Variants in TMC5 observed in about 807,000 individuals in gnomAD.
The protein encoded by TMC5 is transmembrane channel-like protein 5.
In TMC5, 86 loss-of-function variants were observed where a neutral mutation model predicts 110.5. The ratio of observed to expected loss-of-function variants is 0.78; its 90% CI spans 0.65 to 0.93. The LOEUF (loss-of-function observed/expected upper bound fraction) is 0.93. Among genes scored for constraint, TMC5 ranks in the 40% least tolerant of loss-of-function variants. The pLI, the probability that TMC5 is intolerant of heterozygous loss-of-function variation, is 0.00. For synonymous variants in TMC5, 455 were observed against 439.5 expected, an observed-to-expected ratio of 1.04 and a Z score of -0.44; for missense variants, 1,144 against 1,222.8, an observed-to-expected ratio of 0.94 and a Z score of 0.96.
Position 19,487,321 on chromosome 16 carries a change from C to G in TMC5, c.2568C>G (p.Ile856Met). 1 of 1,612,760 alleles carries G rather than the reference C, an allele frequency of 6.2e-7. No individual in the cohort carries two copies. The highest frequency in any genetic ancestry group is 1.1e-5 in the South Asian group (1 of 90,830). Reference protein sequence around the residue: ...TGVLCTLAITIWRLKPSADCG... With the variant: ...TGVLCTLAITMWRLKPSADCG... ...TCTTGTGCACCCTGGCCATCACCAT[C>G]TGGAGGTAGGAGAAGGTGGCCTTGG... The change falls in exon 17 of 22, where the codon ATC (isoleucine) becomes ATG (methionine). Residue 856 changes from isoleucine (I) to methionine (M), a missense_variant. Ile to Met is a conservative substitution (Grantham distance 10). Coordinates refer to ENST00000542583, the MANE Select transcript of TMC5 (RefSeq NM_001261841.2).
intron 5 of TMC5, 106 bp from the exon 6 acceptor site, chr16:19,460,129 A>G (rs998539278): frequency 1.2e-5 from 9 of 739,228 alleles, no homozygotes; most frequent in Middle Eastern, 2.6e-4. Flanking sequence ...CCCCAACTCC[A>G]TAAACTTCTT....
At chr16:19,432,235 C>T (rs577897409) in intron 2 of TMC5, among the ~76,000 whole-genome samples, 2 of 152,258 alleles carry the variant, frequency 1.3e-5, no homozygotes, top group African/African-American at 4.8e-5. Flanking sequence ...ACCAGGAAGC[C>T]TTGCAACATC....
At chr16:19,457,735 TTTTTTTTTGA>T (rs1967922439) in intron 5 of TMC5, among the ~76,000 whole-genome samples, 1 of 112,920 alleles carries the variant, frequency 8.9e-6, no homozygotes. Context: ...TTTTTTTTTT[TTTTTTTTTGA>T]GACAAAGTCT....
intron 14 of TMC5, among the ~76,000 whole-genome samples, chr16:19,479,875 C>T (rs1470111779): frequency 6.7e-6 from 1 of 149,652 alleles, no homozygotes; most frequent in East Asian, 2.0e-4. Context: ...AGGAGGATCA[C>T]TTGAGGCCAG....
Position 19,439,961 on chromosome 16 carries a change from T to G in TMC5, c.-78T>G. 1 of 1,192,888 alleles carries G rather than the reference T, an allele frequency of 8.4e-7. No homozygotes were observed. Among genetic ancestry groups the G allele is most frequent in the Admixed American group, 2.3e-5 (1 of 43,170 alleles). The allele number at this position is 1,192,888 out of a possible 1,614,324, so 73.9% of individuals were successfully genotyped here. On this transcript the variant is annotated splice_region_variant and 5_prime_UTR_variant, in exon 3 of 22. Transcript: ENST00000542583. ...TTTTCTTTTCTTCTTGTTTTTCAGG[T>G]GAAAAAAAAAAAAGATCCCTGAGTA... is the stretch of plus-strand genomic sequence containing the variant.
rs56178955 is a variant in TMC5 at position 19,495,011 on chromosome 16, C to CTTTTTTT, written c.2931+660_2931+666dup. Among the ~76,000 whole-genome samples the CTTTTTTT allele has an allele frequency of 5.2e-4, 21 of 40,486 alleles. 3 individuals carry two copies. The highest frequency in any genetic ancestry group is 2.2e-3 in the East Asian group (4 of 1,832). 26.6% of individuals were successfully genotyped at this position (40,486 alleles called of 152,430 possible). A position where few individuals can be genotyped will look rare whatever the true frequency, so the allele number is the denominator to read the frequency against. The stretch of plus-strand genomic sequence containing the variant: ...CACTATGAATACTTCAGTGTCTATT[C>CTTTTTTT]TTTTTTTTTTTTTTTTTTTTTGAGA... On this transcript the variant is annotated intron_variant, in intron 20 of 21. Transcript: ENST00000542583.
intron 12 of TMC5, among the ~76,000 whole-genome samples, chr16:19,475,423 G>GA (rs747294841): frequency 0.046 from 6,321 of 138,672 alleles, 150 homozygotes; most frequent in African/African-American, 0.061. Context: ...CTCCATCTCA[G>GA]AAAAAAAAAA....
At chr16:19,420,236 C>T (rs987337361) in intron 1 of TMC5, among the ~76,000 whole-genome samples, 3 of 152,026 alleles carry the variant, frequency 2.0e-5, no homozygotes, top group African/African-American at 7.2e-5. Flanking sequence ...ACCATCCTGG[C>T]CAACATGGTG....
intron 1 of TMC5, among the ~76,000 whole-genome samples, chr16:19,412,448 C>T (rs983057873): frequency 5.3e-5 from 8 of 151,804 alleles, no homozygotes; most frequent in South Asian, 2.1e-4. Flanking sequence ...TCACTGCAAC[C>T]GCTGTCTCCC....
intron 1 of TMC5, among the ~76,000 whole-genome samples, chr16:19,425,693 T>A (rs1009431655): frequency 1.3e-5 from 2 of 152,204 alleles, no homozygotes; most frequent in Admixed American, 1.3e-4. Context: ...GCAATTTATT[T>A]TTTTATTTAT....
At chr16:19,471,799 C>T (rs1453258954) in intron 10 of TMC5, among the ~76,000 whole-genome samples, 1 of 151,914 alleles carries the variant, frequency 6.6e-6, no homozygotes, top group Non-Finnish European at 1.5e-5. Context: ...CTCACTCTGT[C>T]GCCCAGGCTG....
At chr16:19,459,833 G>A (rs541268083) in intron 5 of TMC5, among the ~76,000 whole-genome samples, 24 of 145,938 alleles carry the variant, frequency 1.6e-4, no homozygotes, top group South Asian at 4.3e-4. Context: ...TGGGAGGATC[G>A]CTTAAGTCCA....
chr16:19,439,001 T>A (rs1371042352), intron 2 of TMC5, among the ~76,000 whole-genome samples: 1 of 152,138 alleles, frequency 6.6e-6, no homozygotes, highest in Non-Finnish European at 1.5e-5. Context: ...TCAGGAGCAA[T>A]GGATTGGTTA....
chr16:19,421,314 A>G lies in TMC5; in HGVS notation c.-308+3222A>G, dbSNP rs780625149. ...CTCATCTTGAATTATAGCTCCCATA[A>G]TCCCCACATGTCATGAGAGGGACGC... On this transcript the variant is annotated intron_variant, in intron 1 of 21. Transcript: ENST00000542583. Among the ~76,000 whole-genome samples the G allele has an allele frequency of 2.6e-4, 40 of 152,248 alleles. No individual in the cohort carries two copies. In the Middle Eastern group the frequency reaches 0.01, roughly 39 times the overall value.
intron 12 of TMC5, among the ~76,000 whole-genome samples, chr16:19,476,593 G>T (rs551211073): frequency 6.6e-6 from 1 of 152,232 alleles, no homozygotes; most frequent in East Asian, 1.9e-4. Context: ...CAATAAAGAG[G>T]TTGGCAGTGT....
chr16:19,496,170 AAATT>A (rs1251492048), intron 20 of TMC5, among the ~76,000 whole-genome samples: 12 of 151,824 alleles, frequency 7.9e-5, no homozygotes, highest in African/African-American at 2.9e-4. Context: ...AAAAAAAAAA[AAATT>A]AAAAAGTTAT....
chr16:19,454,726 A>G (rs1967825776), intron 5 of TMC5, among the ~76,000 whole-genome samples: 1 of 152,208 alleles, frequency 6.6e-6, no homozygotes, highest in African/African-American at 2.4e-5. Flanking sequence ...CAACTATTAA[A>G]TAAACAACTA....
intron 21 of TMC5, among the ~76,000 whole-genome samples, chr16:19,497,607 G>A (rs1969089318): frequency 6.6e-6 from 1 of 152,208 alleles, no homozygotes; most frequent in Admixed American, 6.5e-5. Flanking sequence ...ATCTGTAGAT[G>A]CAGGTGGTGC....
chr16:19,412,174 G>A (rs1490369646), intron 1 of TMC5, among the ~76,000 whole-genome samples: 7 of 150,268 alleles, frequency 4.7e-5, no homozygotes, highest in African/African-American at 1.5e-4. Context: ...AGGCTCAGGC[G>A]ATCCTCCTGC....
Sources: gnomAD v4.1 joint callset for allele counts (sites outside exome capture counted in the v4.1 genomes callset) on GRCh38, gnomAD v4.1.1 for gene constraint, MANE v1.5 for transcripts, NCBI Gene and HGNC (gene_info 2026-07-23, HGNC 2026-07-21) for gene names.